CLYBL: variants seen among roughly 807,000 people sequenced by gnomAD.
The protein encoded by CLYBL is citramalyl-CoA lyase.
CLYBL carries 31 observed loss-of-function variants against 38.9 expected under a neutral mutation model. The ratio of observed to expected loss-of-function variants is 0.80; its 90% CI spans 0.60 to 1.08. CLYBL has a LOEUF of 1.08. CLYBL is among the 50% of genes least tolerant of loss of function. The probability of loss-of-function intolerance (pLI) is 0.00; values close to 1 mark genes in which losing one functional copy is unlikely to be tolerated. For missense variants in CLYBL, 434 were observed against 411.6 expected (o/e 1.05, Z -0.47); for synonymous variants, 171 against 158.6 (o/e 1.08, Z -0.59).
At chr13:99,894,736 C>CCGG (rs1221894997), downstream of CLYBL, 8 of 24,296 alleles carry the variant, frequency 3.3e-4, no homozygotes, top group African/African-American at 1.1e-3. Flanking sequence ...TTGCCTGAGG[C>CCGG]GGGGGGGGGG....
At chr13:99,611,378 AT>A (rs976906342) in intron 1 of CLYBL, among the ~76,000 whole-genome samples, 143 of 151,774 alleles carry the variant, frequency 9.4e-4, no homozygotes, top group Middle Eastern at 3.4e-3. Flanking sequence ...GAATTTATAA[AT>A]TTTTTTTTGC....
At chr13:99,885,106 G>A (rs41281114) in intron 7 of CLYBL, 9 of 529,876 alleles carry the variant, frequency 1.7e-5, no homozygotes, top group African/African-American at 3.8e-5. Context: ...GGAGTCAAAG[G>A]TACGTGAGGC....
intron 7 of CLYBL, among the ~76,000 whole-genome samples, chr13:99,882,344 G>C (rs563020363): frequency 6.6e-6 from 1 of 152,276 alleles, no homozygotes; most frequent in South Asian, 2.1e-4. Context: ...CTGTACTATA[G>C]GTGAGAAAAT....
chr13:99,897,617 T>G (rs150043853), downstream of CLYBL, among the ~76,000 whole-genome samples: 380 of 152,282 alleles, frequency 2.5e-3, 2 homozygotes, highest in African/African-American at 8.5e-3. Context: ...CGGTGAAACT[T>G]TCTCTCTTTC....
chr13:99,713,083 C>T (rs910065145), intron 1 of CLYBL, among the ~76,000 whole-genome samples: 3 of 152,074 alleles, frequency 2.0e-5, no homozygotes, highest in Non-Finnish European at 4.4e-5. Flanking sequence ...TTTTTTGCTT[C>T]TAATGCTGCC....
At chr13:99,621,789 T>C (rs2139205332) in intron 1 of CLYBL, among the ~76,000 whole-genome samples, 1 of 152,218 alleles carries the variant, frequency 6.6e-6, no homozygotes, top group African/African-American at 2.4e-5. Flanking sequence ...TATCAGCTGT[T>C]GTTAGTGGAT....
Position 99,621,774 on chromosome 13 carries a change from T to TC in CLYBL, c.62+15017_62+15018insC, listed in dbSNP as rs1390753317. 2.0e-5 allele frequency among the ~76,000 whole-genome samples: 3 copies of TC among 151,310 alleles called. No individual in the cohort carries two copies. The East Asian group carries it at 5.9e-4, about 30-fold the overall frequency. On this transcript the variant is annotated intron_variant, in intron 1 of 8. Transcript: ENST00000339105. ...TTGGCGATTTTTTTTTTTTTCCCTT[T>TC]AGCTTATCAGCTGTTGTTAGTGGAT... is the stretch of plus-strand genomic sequence containing the variant.
At chr13:99,779,974 A>G (rs993336772) in intron 2 of CLYBL, among the ~76,000 whole-genome samples, 2 of 152,180 alleles carry the variant, frequency 1.3e-5, no homozygotes. Context: ...TACTAGATGC[A>G]GAGTTCTATA....
At chr13:99,843,067 A>G (rs2051122589) in intron 2 of CLYBL, among the ~76,000 whole-genome samples, 1 of 152,192 alleles carries the variant, frequency 6.6e-6, no homozygotes, top group South Asian at 2.1e-4. Context: ...TGAGGTTAAG[A>G]GACTGTCCCT....
At chr13:99,787,300 T>C (rs1402465954) in intron 2 of CLYBL, among the ~76,000 whole-genome samples, 2 of 152,238 alleles carry the variant, frequency 1.3e-5, no homozygotes, top group African/African-American at 4.8e-5. Flanking sequence ...TGGTATCGCC[T>C]AGGTTTTCTT....
intron 3 of CLYBL, among the ~76,000 whole-genome samples, chr13:99,859,782 A>AT (rs1201491021): frequency 6.6e-6 from 1 of 152,208 alleles, no homozygotes; most frequent in East Asian, 1.9e-4. Context: ...GAGGGGCTAG[A>AT]TTTTATTTGA....
chr13:99,821,845 C>T (rs946180559), intron 2 of CLYBL, among the ~76,000 whole-genome samples: 1 of 152,212 alleles, frequency 6.6e-6, no homozygotes, highest in African/African-American at 2.4e-5. Flanking sequence ...AGAGTATAAC[C>T]AGGAAAATGT....
At chr13:99,891,538 T>A in intron 8 of CLYBL, 101 bp downstream of exon 8, 1 of 628,714 alleles carries the variant, frequency 1.6e-6, no homozygotes, top group Admixed American at 2.8e-5. Flanking sequence ...TTACAGTTCA[T>A]GTTAATCACA....
chr13:99,610,496 A>G (rs572325568), intron 1 of CLYBL, among the ~76,000 whole-genome samples: 1 of 152,292 alleles, frequency 6.6e-6, no homozygotes, highest in South Asian at 2.1e-4. Context: ...TCTGCATTGT[A>G]TTCTTTGTCA....
chr13:99,823,771 G>T (rs1017397883), intron 2 of CLYBL, among the ~76,000 whole-genome samples: 6 of 152,120 alleles, frequency 3.9e-5, no homozygotes, highest in African/African-American at 1.4e-4. Flanking sequence ...CTCTCCAACA[G>T]AGCCGTAAAG....
At chr13:99,627,754 A>G (rs552317804) in intron 1 of CLYBL, among the ~76,000 whole-genome samples, 1 of 152,336 alleles carries the variant, frequency 6.6e-6, no homozygotes, top group South Asian at 2.1e-4. Context: ...GAAAATTGAA[A>G]AATTAGTTTG....
intron 2 of CLYBL, among the ~76,000 whole-genome samples, chr13:99,791,409 A>G (rs1293784974): frequency 6.6e-6 from 1 of 152,158 alleles, no homozygotes; most frequent in Non-Finnish European, 1.5e-5. Context: ...AAGAGGGTAA[A>G]GCTTAGAAAA....
chr13:99,659,951 A>T (rs2047385279), intron 1 of CLYBL, among the ~76,000 whole-genome samples: 2 of 152,202 alleles, frequency 1.3e-5, no homozygotes, highest in African/African-American at 2.4e-5. Flanking sequence ...ACCTGGATTT[A>T]AAAAACTTAA....
chr13:99,755,072 T>C (rs2049036996), intron 1 of CLYBL, among the ~76,000 whole-genome samples: 1 of 151,644 alleles, frequency 6.6e-6, no homozygotes, highest in Admixed American at 6.6e-5. Context: ...TAATTGTTTG[T>C]ATTTTTAGTA....
Sources: allele counts gnomAD v4.1 joint callset (sites outside exome capture counted in the v4.1 genomes callset), GRCh38; gene constraint gnomAD v4.1.1; transcripts MANE v1.5; gene names NCBI Gene and HGNC (gene_info 2026-07-23, HGNC 2026-07-21).